Variants in CUL1 observed in about 807,000 individuals in gnomAD.
CUL1 encodes cullin 1.
Under a neutral mutation model 118.0 loss-of-function variants are expected in CUL1, and 24 were observed. The ratio of observed to expected loss-of-function variants is 0.20; its 90% CI spans 0.15 to 0.29. The LOEUF is 0.29. Among genes scored for constraint, CUL1 ranks in the 10% least tolerant of loss-of-function variants. The pLI is 1.00. For synonymous variants in CUL1, 332 were observed against 340.4 expected (o/e 0.98, Z 0.27); for missense variants, 361 against 933.8 (o/e 0.39, Z 7.99).
At chr7:148,788,509 T>A in intron 13 of CUL1, 48 bp from the exon 14 acceptor site, 1 of 1,195,224 alleles carries the variant, frequency 8.4e-7, no homozygotes, top group Non-Finnish European at 1.2e-6. Flanking sequence ...TTGTATACAT[T>A]TGTATTTTTG....
rs951812582 is a variant in CUL1 at position 148,801,005 on chromosome 7, A to G, written c.*423A>G. The G allele has an allele frequency of 6.5e-6, 1 of 154,252 alleles. No individual in the cohort carries two copies. The highest frequency in any genetic ancestry group is 2.4e-5 in the African/African-American group (1 of 41,510). The allele number at this position is 154,252 out of a possible 1,614,324, so 9.6% of individuals were successfully genotyped here. ...AGTGTGTTTCATTTTTTAATGTGTG[A>G]AAATAAAGAAAATTAAAGGATTTCT... On this transcript the variant is annotated 3_prime_UTR_variant, in exon 22 of 22. Transcript: ENST00000325222.
At position 148,725,247 on chromosome 7, in the gene CUL1, A is replaced by C. The variant is rs73745348; in HGVS notation, c.-161-4715A>C. Among the ~76,000 whole-genome samples, 398 of 151,044 alleles carry C rather than the reference A, an allele frequency of 2.6e-3. 2 individuals are homozygous for C. Among genetic ancestry groups the C allele is most frequent in the African/African-American group, 6.1e-3 (249 of 41,022 alleles). On this transcript the variant is annotated intron_variant, in intron 1 of 21. Coordinates refer to ENST00000325222, the MANE Select transcript of CUL1 (RefSeq NM_003592.3). ...CACACACACACACACACACACACAC[A>C]CCCGTACCCCTCTAAACTGGAAAAC... is the stretch of plus-strand genomic sequence containing the variant.
intron 16 of CUL1, among the ~76,000 whole-genome samples, chr7:148,792,239 C>CT (rs1387796841): frequency 6.6e-6 from 1 of 151,344 alleles, no homozygotes; most frequent in Middle Eastern, 3.5e-3. Context: ...ACTTTACTTA[C>CT]TTTTTTCATA....
intron 9 of CUL1, among the ~76,000 whole-genome samples, chr7:148,776,307 C>CT (rs746777462): frequency 0.015 from 622 of 40,582 alleles, 186 homozygotes; most frequent in Non-Finnish European, 0.018. Flanking sequence ...CATAACCAGG[C>CT]TTTTTTTTTT....
At chr7:148,707,375 T>A (rs1797917026) in intron 1 of CUL1, among the ~76,000 whole-genome samples, 1 of 152,194 alleles carries the variant, frequency 6.6e-6, no homozygotes, top group African/African-American at 2.4e-5. Flanking sequence ...GTTTAAATCC[T>A]AAATACTATC....
At position 148,744,180 on chromosome 7, in the gene CUL1, G is replaced by A. The variant is rs184358908; in HGVS notation, c.141-9796G>A. On this transcript the variant is annotated intron_variant, in intron 2 of 21. Transcript: ENST00000325222. ...TGTCCCTCATGTCAACATATAGAGCGGTCTTGCTGCTTTGCCCCTTCTGAC... is the reference window on the plus strand; with the variant it reads ...TGTCCCTCATGTCAACATATAGAGCAGTCTTGCTGCTTTGCCCCTTCTGAC... Among the ~76,000 whole-genome samples the A allele has an allele frequency of 6.6e-5, 10 of 151,974 alleles. No individual in the cohort carries two copies. In the East Asian group the frequency reaches 1.9e-3, roughly 29 times the overall value.
At chr7:148,723,511 G>C (rs918545790) in intron 1 of CUL1, among the ~76,000 whole-genome samples, 1 of 152,112 alleles carries the variant, frequency 6.6e-6, no homozygotes, top group African/African-American at 2.4e-5. Flanking sequence ...TTATCAGATA[G>C]GTACATACAG....
At chr7:148,743,699 G>C (rs374686989) in intron 2 of CUL1, among the ~76,000 whole-genome samples, 1 of 151,576 alleles carries the variant, frequency 6.6e-6, no homozygotes, top group Non-Finnish European at 1.5e-5. Context: ...AGGCCAAGGC[G>C]GGCAGATCGC....
chr7:148,772,446 T>G (rs1800246666), intron 9 of CUL1, among the ~76,000 whole-genome samples: 1 of 151,882 alleles, frequency 6.6e-6, no homozygotes, highest in Admixed American at 6.6e-5. Flanking sequence ...ACCCACACAT[T>G]CAGTTTATGA....
intron 1 of CUL1, among the ~76,000 whole-genome samples, chr7:148,701,188 C>G (rs1242666725): frequency 7.0e-6 from 1 of 142,616 alleles, no homozygotes; most frequent in Admixed American, 7.0e-5. Flanking sequence ...CTAACTTAAA[C>G]TTAACGTTTG....
At chr7:148,754,354 G>A (rs978192254) in intron 3 of CUL1, among the ~76,000 whole-genome samples, 2 of 151,804 alleles carry the variant, frequency 1.3e-5, no homozygotes, top group African/African-American at 4.8e-5. Context: ...TTGTTTTTTC[G>A]AGATGGAGAT....
intron 17 of CUL1, among the ~76,000 whole-genome samples, chr7:148,793,734 G>A (rs905608285): frequency 6.6e-6 from 1 of 152,186 alleles, no homozygotes; most frequent in African/African-American, 2.4e-5. Context: ...CAATGCTGCT[G>A]TGAATACATG....
chr7:148,699,557 G>A (rs1421148638), intron 1 of CUL1, among the ~76,000 whole-genome samples: 1 of 152,194 alleles, frequency 6.6e-6, no homozygotes, highest in African/African-American at 2.4e-5. Flanking sequence ...GGGCTCAAGC[G>A]CAGGAGCAGC....
At chr7:148,796,447 G>C (rs183353948) in intron 17 of CUL1, among the ~76,000 whole-genome samples, 6 of 152,224 alleles carry the variant, frequency 3.9e-5, no homozygotes, top group Non-Finnish European at 2.9e-5. Context: ...TTTGGTTTTC[G>C]TGTCTGGCTA....
At chr7:148,778,473 A>C (rs576286692) in intron 9 of CUL1, among the ~76,000 whole-genome samples, 54 of 152,294 alleles carry the variant, frequency 3.5e-4, no homozygotes, top group African/African-American at 1.2e-3. Context: ...TTTATTTCTG[A>C]AGCCTTTGCT....
chr7:148,740,769 A>G (rs1186214329), intron 2 of CUL1, among the ~76,000 whole-genome samples: 1 of 152,158 alleles, frequency 6.6e-6, no homozygotes, highest in East Asian at 1.9e-4. Context: ...TGGTGTCCTT[A>G]TAAGAAGAGG....
At position 148,754,129 on chromosome 7, in the gene CUL1, T is replaced by C; in HGVS notation, c.294T>C (p.Asn98=). ...AACGACTTAAGGAATTTTTGAAGAA[T>C]TACTTGACAAATCTTCTTAAGGTAA... The part of the protein sequence containing the change: ...LYKRLKEFLK[N]YLTNLLKDGE... Residue 98 remains asparagine (N), a synonymous_variant, in exon 3 of 22, where the codon AAT becomes AAC. Transcript: ENST00000325222. The C allele has an allele frequency of 6.2e-7, 1 of 1,607,800 alleles. No homozygotes were observed. Among genetic ancestry groups the C allele is most frequent in the Non-Finnish European group, 8.5e-7 (1 of 1,176,832 alleles).
intron 1 of CUL1, among the ~76,000 whole-genome samples, chr7:148,721,931 G>A (rs376807725): frequency 3.3e-5 from 5 of 152,090 alleles, no homozygotes; most frequent in East Asian, 3.8e-4. Context: ...ATTTTCTGGC[G>A]TTCATATACA....
At chr7:148,758,148 C>T (rs1799718266) in intron 4 of CUL1, among the ~76,000 whole-genome samples, 1 of 152,174 alleles carries the variant, frequency 6.6e-6, no homozygotes, top group South Asian at 2.1e-4. Flanking sequence ...GCTCTCCAGA[C>T]AATTCTGATG....
Sources: gnomAD v4.1 joint callset for allele counts (sites outside exome capture counted in the v4.1 genomes callset) on GRCh38, gnomAD v4.1.1 for gene constraint, MANE v1.5 for transcripts, NCBI Gene and HGNC (gene_info 2026-07-23, HGNC 2026-07-21) for gene names.